Variants in COPZ2 observed in about 807,000 individuals in gnomAD.
The protein encoded by COPZ2 is coatomer subunit zeta-2.
A neutral mutation model predicts 33.2 loss-of-function variants in COPZ2; 30 were observed. That is an observed-to-expected ratio of 0.90 (90% CI 0.68 to 1.23). The LOEUF (loss-of-function observed/expected upper bound fraction) is 1.23. Ranked by LOEUF, COPZ2 falls within the 50% of genes most tolerant of loss-of-function variation. The pLI is 0.00. For missense variants in COPZ2, 263 were observed against 262.4 expected, an observed-to-expected ratio of 1.00 and a Z score of -0.02; for synonymous variants, 89 against 102.6, an observed-to-expected ratio of 0.87 and a Z score of 0.80.
chr17:48,037,163 T>A lies in COPZ2; in HGVS notation c.112-238A>T, dbSNP rs755192254. 1 of 749,252 alleles carries A rather than the reference T, an allele frequency of 1.3e-6. No homozygotes were observed. Among genetic ancestry groups the A allele is most frequent in the Non-Finnish European group, 2.5e-6 (1 of 398,766 alleles). The allele number at this position is 749,252 out of a possible 1,614,324, so 46.4% of individuals were successfully genotyped here. ...CGCTGTGCCCGTTGGGTGCAGAAGG[T>A]CCTTCCGGGCCCAAGTTCTGTCATG... is the stretch of plus-strand genomic sequence containing the variant. On this transcript the variant is annotated intron_variant, in intron 1 of 8. Coordinates refer to ENST00000621465, the MANE Select transcript of COPZ2 (RefSeq NM_016429.4). The surrounding 1 kb of genome is among the most constrained non-coding windows in gnomAD (Gnocchi z 5.6).
At chr17:48,047,300 A>G in the COPZ2 span, 1 of 152,136 alleles carries the variant, frequency 6.6e-6, no homozygotes, top group Non-Finnish European at 1.5e-5. Context: ...CGCCAACCCA[A>G]TGATTCCCTA....
intron 6 of COPZ2, among the ~76,000 whole-genome samples, chr17:48,031,240 CAGG>C (rs766045997): frequency 6.6e-6 from 1 of 152,140 alleles, no homozygotes; most frequent in Non-Finnish European, 1.5e-5. Flanking sequence ...ATCACGAGGT[CAGG>C]AGATCGAGAC....
At chr17:48,038,607 A>G (rs1333976857), upstream of COPZ2, among the ~76,000 whole-genome samples, 1 of 152,240 alleles carries the variant, frequency 6.6e-6, no homozygotes, top group African/African-American at 2.4e-5. Flanking sequence ...CCACACCTGT[A>G]AGATAGGCAT....
upstream of COPZ2, among the ~76,000 whole-genome samples, chr17:48,039,324 T>C (rs753123851): frequency 8.6e-5 from 13 of 151,138 alleles, no homozygotes; most frequent in Non-Finnish European, 1.6e-4. Flanking sequence ...TACAAAGAAA[T>C]TAGCCAGGTA....
At position 48,033,091 on chromosome 17, in the gene COPZ2, G is replaced by A. The variant is rs117166094; in HGVS notation, c.360+120C>T. 2.8e-3 allele frequency: 1,998 copies of A among 705,660 alleles called. 8 individuals carry two copies. Among genetic ancestry groups the A allele is most frequent in the Non-Finnish European group, 3.4e-3 (1,355 of 397,834 alleles). 43.7% of individuals were successfully genotyped at this position (705,660 alleles called of 1,614,324 possible). ...TTCTGGCTGCCCTCCTCTACCCCAT[G>A]GAGCCTAAAAGAAGGGGTCCAATGG... On this transcript the variant is annotated intron_variant, in intron 4 of 8. Coordinates refer to ENST00000621465, the MANE Select transcript of COPZ2 (RefSeq NM_016429.4).
At chr17:48,038,370 G>A (rs2037025363), upstream of COPZ2, among the ~76,000 whole-genome samples, 1 of 152,190 alleles carries the variant, frequency 6.6e-6, no homozygotes, top group Admixed American at 6.5e-5. Flanking sequence ...TCAGAAGCAA[G>A]ACAGACGCCC....
At chr17:48,042,627 A>G (rs1490880707), upstream of COPZ2, among the ~76,000 whole-genome samples, 3 of 151,712 alleles carry the variant, frequency 2.0e-5, no homozygotes, top group South Asian at 2.1e-4. Flanking sequence ...ATGCCCGGCT[A>G]ATTTTTGTAT....
At chr17:48,041,805 T>A (rs890782640), upstream of COPZ2, among the ~76,000 whole-genome samples, 19 of 114,678 alleles carry the variant, frequency 1.7e-4, no homozygotes, top group African/African-American at 6.3e-4. Context: ...TGTGAGCTAG[T>A]CCATTTTTTT....
the COPZ2 span, chr17:48,046,801 C>G: frequency 6.7e-6 from 1 of 149,882 alleles, no homozygotes; most frequent in Non-Finnish European, 1.5e-5. Context: ...GGCCTGCCTG[C>G]TTGAGTCCCC....
Position 48,026,260 on chromosome 17 carries a change from C to T in COPZ2, c.*168G>A. 3.3e-6 allele frequency: 2 copies of T among 609,924 alleles called. No homozygotes were observed. Among genetic ancestry groups the T allele is most frequent in the African/African-American group, 1.8e-5 (1 of 54,148 alleles). 37.8% of individuals were successfully genotyped at this position (609,924 alleles called of 1,614,324 possible). On this transcript the variant is annotated 3_prime_UTR_variant, in exon 9 of 9. Coordinates refer to ENST00000621465, the MANE Select transcript of COPZ2 (RefSeq NM_016429.4). ...CAGGGCCGTGAGAAAAGGTGACTCT[C>T]CTGAGGCCAAACCTTTGCATCTCAG...
intron 6 of COPZ2, among the ~76,000 whole-genome samples, chr17:48,030,492 C>T (rs2036880389): frequency 6.6e-6 from 1 of 152,178 alleles, no homozygotes; most frequent in Non-Finnish European, 1.5e-5. Context: ...GAGTGTACCT[C>T]CTTACCCACT....
chr17:48,037,867 G>A, upstream of COPZ2: 2 of 965,318 alleles, frequency 2.1e-6, no homozygotes, highest in South Asian at 4.6e-5. The surrounding 1 kb of genome is among the most constrained non-coding windows in gnomAD (Gnocchi z 5.6). Context: ...CCCCTCTCGC[G>A]CGTGGCCTCC....
At chr17:48,047,496 A>G in the COPZ2 span, 6 of 152,240 alleles carry the variant, frequency 3.9e-5, no homozygotes, top group Non-Finnish European at 8.8e-5. Flanking sequence ...CAATATAACC[A>G]GATGGGACTG....
rs1162840538 is a variant in COPZ2 at position 48,033,871 on chromosome 17, CG to C, written c.259del (p.Arg87GlyfsTer12). ...AAGAGGGGGACACTTACTCTCAGTC[CG>C]GCTGGTCTTGTTGAAGACATTTTTC... ...FEKNVFNKTS[R>X]TESEIAFFGG... On this transcript the variant is annotated frameshift_variant, in exon 3 of 9. Transcript: ENST00000621465. LOFTEE classifies it high-confidence loss of function. 6.2e-7 allele frequency: 1 copy of C among 1,607,408 alleles called. No homozygotes were observed. The highest frequency in any genetic ancestry group is 2.2e-5 in the East Asian group (1 of 44,816).
the COPZ2 span, chr17:48,045,881 A>T: frequency 6.6e-6 from 1 of 152,202 alleles, no homozygotes; most frequent in Admixed American, 6.6e-5. Flanking sequence ...TGGGTGAAGA[A>T]GGACACACCC....
At chr17:48,039,515 AGAGGAGGAG>A (rs1327521274), upstream of COPZ2, among the ~76,000 whole-genome samples, 1 of 151,662 alleles carries the variant, frequency 6.6e-6, no homozygotes, top group African/African-American at 2.4e-5. Flanking sequence ...AAAGAAAGGA[AGAGGAGGAG>A]GAGGGGGAGG....
At chr17:48,031,133 G>A (rs1379939673) in intron 6 of COPZ2, among the ~76,000 whole-genome samples, 1 of 152,160 alleles carries the variant, frequency 6.6e-6, no homozygotes, top group African/African-American at 2.4e-5. Context: ...TAATGATAGA[G>A]GGATGTATGT....
chr17:48,028,402 G>A lies in COPZ2; in HGVS notation c.585+70C>T. On this transcript the variant is annotated intron_variant, in intron 8 of 8. Transcript: ENST00000621465. The surrounding 1 kb of genome is among the most constrained non-coding windows in gnomAD (Gnocchi z 4.5). ...TAACTTCACTGGGTCCCCCTAGGAT[G>A]CTCTAGGATGCTCTGCTCCCCGTAT... 6.8e-7 allele frequency: 1 copy of A among 1,465,566 alleles called. No individual in the cohort carries two copies. Among genetic ancestry groups the A allele is most frequent in the South Asian group, 1.3e-5 (1 of 79,026 alleles). 90.8% of individuals were successfully genotyped at this position (1,465,566 alleles called of 1,614,324 possible). A position where few individuals can be genotyped will look rare whatever the true frequency, so the allele number is the denominator to read the frequency against.
intron 5 of COPZ2, 28 bp from the exon 6 acceptor site, chr17:48,032,261 TC>T: frequency 6.3e-7 from 1 of 1,597,448 alleles, no homozygotes; most frequent in Non-Finnish European, 8.5e-7. Flanking sequence ...CTCCTGAGCC[TC>T]CCTGTGGCTG....
Sources: allele counts gnomAD v4.1 joint callset (sites outside exome capture counted in the v4.1 genomes callset), GRCh38; gene constraint gnomAD v4.1.1; non-coding constraint Gnocchi (gnomAD v3.1); transcripts MANE v1.5; gene names NCBI Gene and HGNC (gene_info 2026-07-23, HGNC 2026-07-21).